Variants in GCNT2 observed in about 807,000 individuals in gnomAD.
GCNT2 encodes glucosaminyl (N-acetyl) transferase 2 (I blood group).
A neutral mutation model predicts 34.2 loss-of-function variants in GCNT2; 34 were observed. The ratio of observed to expected loss-of-function variants is 1.00; its 90% confidence interval spans 0.76 to 1.32. GCNT2 has a LOEUF of 1.32. Among genes scored for constraint, GCNT2 ranks in the 40% most tolerant of loss-of-function variants. The pLI, the probability that GCNT2 is intolerant of heterozygous loss-of-function variation, is 0.00. For missense variants in GCNT2, 584 were observed against 489.4 expected, an observed-to-expected ratio of 1.19 and a Z score of -1.82; for synonymous variants, 212 against 188.0, an observed-to-expected ratio of 1.13 and a Z score of -1.04.
intron 1 of GCNT2, among the ~76,000 whole-genome samples, chr6:10,522,286 G>A (rs1315847477): frequency 6.6e-6 from 1 of 151,278 alleles, no homozygotes; most frequent in Non-Finnish European, 1.5e-5. Context: ...TGAAGCTCTG[G>A]GCCATGTAGA....
At position 10,529,596 on chromosome 6, in the gene GCNT2, A is replaced by G; in HGVS notation, c.685A>G (p.Thr229Ala). The change falls in exon 3 of 5, where the codon ACT (threonine) becomes GCT (alanine). Residue 229 changes from threonine (T) to alanine (A), a missense_variant. Physicochemically the swap from Thr to Ala is moderately conservative, Grantham distance 58. Coordinates refer to ENST00000495262, the MANE Select transcript of GCNT2 (RefSeq NM_145649.5). ...GCCTCCTGACCACGCTGTTGGACGG[A>G]CTAAATACGTCCACCAAGAACTGTT... ...VLPPDHAVGRTKYVHQELLNH... is the reference protein window; with the variant it reads ...VLPPDHAVGRAKYVHQELLNH... 6 of 1,614,162 alleles carry G rather than the reference A, an allele frequency of 3.7e-6. No homozygotes were observed. The highest frequency in any genetic ancestry group is 4.2e-6 in the Non-Finnish European group (5 of 1,179,998).
intron 3 of GCNT2, among the ~76,000 whole-genome samples, chr6:10,602,392 G>T (rs896256721): frequency 3.9e-5 from 6 of 152,128 alleles, no homozygotes; most frequent in African/African-American, 1.4e-4. Context: ...AACTTCTAAC[G>T]GAAGCCCAGG....
chr6:10,531,436 C>T (rs1410958900), intron 3 of GCNT2, among the ~76,000 whole-genome samples: 1 of 152,220 alleles, frequency 6.6e-6, no homozygotes. Context: ...TTACGATCAT[C>T]TGGGGCTTCT....
intron 3 of GCNT2, among the ~76,000 whole-genome samples, chr6:10,570,955 G>T (rs920481109): frequency 1.3e-4 from 20 of 152,128 alleles, no homozygotes; most frequent in Non-Finnish European, 2.6e-4. Flanking sequence ...CAGGTACTCA[G>T]TCTAAACCAA....
chr6:10,567,232 G>C (rs983107178), intron 3 of GCNT2, among the ~76,000 whole-genome samples: 1 of 152,164 alleles, frequency 6.6e-6, no homozygotes, highest in Non-Finnish European at 1.5e-5. Flanking sequence ...GGCTAAGGTG[G>C]AAAGATCACT....
At chr6:10,560,383 G>A (rs766926847) in intron 3 of GCNT2, among the ~76,000 whole-genome samples, 1 of 152,110 alleles carries the variant, frequency 6.6e-6, no homozygotes, top group Admixed American at 6.5e-5. Context: ...GAGCCACTGC[G>A]CCGGGCTGAG....
In GCNT2 at chr6:10,627,052, A is replaced by G. The variant is rs1316574155; in HGVS notation, c.*445A>G. 6.0e-6 allele frequency: 1 copy of G among 165,920 alleles called. No homozygotes were observed. Among genetic ancestry groups the G allele is most frequent in the Non-Finnish European group, 1.3e-5 (1 of 75,092 alleles). The allele number at this position is 165,920 out of a possible 1,614,324, so 10.3% of individuals were successfully genotyped here. ...CACCACTGTGCTCAACCAGACAGAT[A>G]GTGAAACAGCTTTCTGGGTAATTCA... On this transcript the variant is annotated 3_prime_UTR_variant, in exon 5 of 5. Transcript: ENST00000495262.
intron 3 of GCNT2, among the ~76,000 whole-genome samples, chr6:10,544,977 TA>T (rs1762207665): frequency 6.6e-6 from 1 of 151,670 alleles, no homozygotes; most frequent in Admixed American, 6.6e-5. Context: ...AATAAATAAA[TA>T]AATGAGGTGG....
chr6:10,622,787 C>T, intron 4 of GCNT2, among the ~76,000 whole-genome samples: 1 of 114,514 alleles, frequency 8.7e-6, no homozygotes, highest in Non-Finnish European at 1.7e-5. Context: ...GATTCTCGCT[C>T]TATCACCAGG....
chr6:10,607,950 C>G (rs1454331727), intron 3 of GCNT2, among the ~76,000 whole-genome samples: 1 of 152,122 alleles, frequency 6.6e-6, no homozygotes, highest in Non-Finnish European at 1.5e-5. Flanking sequence ...GCACTTGAAT[C>G]CTGCTTAGGT....
intron 3 of GCNT2, among the ~76,000 whole-genome samples, chr6:10,531,379 T>C (rs532356633): frequency 3.3e-5 from 5 of 152,362 alleles, no homozygotes; most frequent in African/African-American, 1.2e-4. Context: ...TGTATGAAGA[T>C]CACAGTCCTG....
At chr6:10,565,235 G>T (rs1305695963) in intron 3 of GCNT2, among the ~76,000 whole-genome samples, 3 of 152,220 alleles carry the variant, frequency 2.0e-5, no homozygotes, top group African/African-American at 7.2e-5. Flanking sequence ...ACAGGCCCTT[G>T]CAGGAGGCCA....
intron 3 of GCNT2, chr6:10,585,959 A>G (rs549153554): frequency 1.2e-6 from 2 of 1,612,472 alleles, no homozygotes; most frequent in East Asian, 4.5e-5. Flanking sequence ...CCCTGAAAAG[A>G]AGAGATTGTT....
intron 3 of GCNT2, among the ~76,000 whole-genome samples, chr6:10,577,600 G>A (rs1287693932): frequency 6.6e-6 from 1 of 152,110 alleles, no homozygotes; most frequent in Non-Finnish European, 1.5e-5. Context: ...GAGTGCAATG[G>A]CATGATCTCG....
At chr6:10,587,442 T>C (rs930989118) in intron 3 of GCNT2, among the ~76,000 whole-genome samples, 1 of 152,206 alleles carries the variant, frequency 6.6e-6, no homozygotes, top group Non-Finnish European at 1.5e-5. Flanking sequence ...TCTGAACAAG[T>C]AGCCAGGTCT....
chr6:10,568,310 G>C (rs1349967419), intron 3 of GCNT2, among the ~76,000 whole-genome samples: 2 of 152,006 alleles, frequency 1.3e-5, no homozygotes, highest in African/African-American at 2.4e-5. Flanking sequence ...AGTCTCTGTG[G>C]TATGGCCATC....
At chr6:10,589,026 TATGTGCGTGGTATGTGTATG>T (rs1381100557) in intron 3 of GCNT2, among the ~76,000 whole-genome samples, 2 of 140,086 alleles carry the variant, frequency 1.4e-5, no homozygotes, top group Non-Finnish European at 3.1e-5. Context: ...ATATGTGGTG[TATGTGCGTGGTATGTGTATG>T]GTGTGTGTGT....
rs571179087 is a variant in GCNT2, at chr6:10,628,747, G to C, written c.*2140G>C. 1 of 152,482 alleles carries C rather than the reference G, an allele frequency of 6.6e-6. No homozygotes were observed. Among genetic ancestry groups the C allele is most frequent in the Admixed American group, 6.5e-5 (1 of 15,308 alleles). The allele number at this position is 152,482 out of a possible 1,614,324, so 9.4% of individuals were successfully genotyped here. A position where few individuals can be genotyped will look rare whatever the true frequency, so the allele number is the denominator to read the frequency against. On this transcript the variant is annotated 3_prime_UTR_variant, in exon 5 of 5. Coordinates refer to ENST00000495262, the MANE Select transcript of GCNT2 (RefSeq NM_145649.5). ...ACAAGACCTCTGGCTTGGGCCGGGCGTGGTGGCTCACACCTGTAATCCCAA... is the reference window on the plus strand; with the variant it reads ...ACAAGACCTCTGGCTTGGGCCGGGCCTGGTGGCTCACACCTGTAATCCCAA...
chr6:10,561,559 A>C (rs537224899), intron 3 of GCNT2, among the ~76,000 whole-genome samples: 1 of 152,280 alleles, frequency 6.6e-6, no homozygotes, highest in African/African-American at 2.4e-5. Flanking sequence ...GCATCTACCC[A>C]AGTGGCCGCT....
Sources: allele counts gnomAD v4.1 joint callset (sites outside exome capture counted in the v4.1 genomes callset), GRCh38; gene constraint gnomAD v4.1.1; transcripts MANE v1.5; gene names NCBI Gene and HGNC (gene_info 2026-07-23, HGNC 2026-07-21).